MFSD2A: variants seen among roughly 807,000 people sequenced by gnomAD.
The protein encoded by MFSD2A is sodium-dependent lysophosphatidylcholine symporter 1.
A neutral mutation model predicts 64.7 loss-of-function variants in MFSD2A; 27 were observed. The ratio of observed to expected loss-of-function variants is 0.42; its 90% CI spans 0.31 to 0.58. MFSD2A has a LOEUF of 0.58. Ranked by LOEUF, MFSD2A falls within the 20% of genes least tolerant of loss-of-function variation. The pLI is 0.18. For missense variants in MFSD2A, 474 were observed against 679.5 expected, an observed-to-expected ratio of 0.70 and a Z score of 3.36; for synonymous variants, 258 against 273.4, an observed-to-expected ratio of 0.94 and a Z score of 0.55.
intron 3 of MFSD2A, chr1:39,962,875 T>C: frequency 6.4e-7 from 1 of 1,572,388 alleles, no homozygotes; most frequent in Non-Finnish European, 8.6e-7. Context: ...TTGAAGATTA[T>C]GCCAGTGCAG....
chr1:39,964,852 A>G lies in MFSD2A; in HGVS notation c.354-359A>G. ...GCGGTTGATGACTATCCGTGTGAGA[A>G]CACGGGAGTTGGGGCTGCTCCTTCT... On this transcript the variant is annotated intron_variant, in intron 3 of 13. Transcript: ENST00000372811. This position sits in a 1 kb window ranked among gnomAD's most constrained non-coding sequence, Gnocchi z 4.1. The G allele has an allele frequency of 3.3e-6, 1 of 302,354 alleles. No individual in the cohort carries two copies. Among genetic ancestry groups the G allele is most frequent in the Non-Finnish European group, 6.3e-6 (1 of 158,064 alleles). 18.7% of individuals were successfully genotyped at this position (302,354 alleles called of 1,614,324 possible).
Position 39,966,897 on chromosome 1 carries a change from A to C in MFSD2A, c.892A>C (p.Ile298Leu). ...GAGCCACGGCCCATACATCAAACTT[A>C]TTACTGGCTTCCTCTTCACCTCCTT... ...VMSHGPYIKL[I>L]TGFLFTSLAF... Residue 298 changes from isoleucine (I) to leucine (L), a missense_variant, in exon 8 of 14, where the codon ATT (isoleucine) becomes CTT (leucine). By Grantham distance (5) the Ile-to-Leu change is conservative. Transcript: ENST00000372811. The C allele has an allele frequency of 1.9e-6, 3 of 1,613,558 alleles. No homozygotes were observed. In the South Asian group the frequency reaches 3.3e-5, roughly 18 times the overall value.
In MFSD2A at chr1:39,968,904, T is replaced by TA. The variant is rs1645223819; in HGVS notation, c.1529+160dup. 6.6e-6 allele frequency among the ~76,000 whole-genome samples: 1 copy of TA among 152,182 alleles called. No individual in the cohort carries two copies. On this transcript the variant is annotated intron_variant, in intron 13 of 13. Coordinates refer to ENST00000372811, the MANE Select transcript of MFSD2A (RefSeq NM_032793.5). This position sits in a 1 kb window ranked among gnomAD's most constrained non-coding sequence, Gnocchi z 4.4. The stretch of plus-strand genomic sequence containing the variant: ...CACCAGGCACTGTGTTAAGTGGTCT[T>TA]ACCTTTATTCAACAAATACATACTG...
chr1:39,961,007 G>T (rs998101486), intron 3 of MFSD2A, among the ~76,000 whole-genome samples: 5 of 152,150 alleles, frequency 3.3e-5, no homozygotes, highest in Non-Finnish European at 7.3e-5. Flanking sequence ...GGTGAATGGG[G>T]TCTGGCTATG....
rs893194571 is a variant in MFSD2A at position 39,955,451 on chromosome 1, C to A, written c.93+66C>A. ...GGAGGCGGAAATGGGGGATCAGGGG[C>A]GTCCCGGGGTCGGCCTGGTCAGGGG... On this transcript the variant is annotated intron_variant, in intron 1 of 13. Transcript: ENST00000372811. The surrounding 1 kb of genome is among the most constrained non-coding windows in gnomAD (Gnocchi z 5.9). 9 of 1,468,428 alleles carry A rather than the reference C, an allele frequency of 6.1e-6. No homozygotes were observed. Among genetic ancestry groups the A allele is most frequent in the African/African-American group, 1.4e-5 (1 of 70,842 alleles). 91.0% of individuals were successfully genotyped at this position (1,468,428 alleles called of 1,614,324 possible).
rs1222929597 is a variant in MFSD2A, at chr1:39,966,798, C to T, written c.806-13C>T. 1.2e-6 allele frequency: 2 copies of T among 1,614,124 alleles called. No individual in the cohort carries two copies. Among genetic ancestry groups the T allele is most frequent in the Non-Finnish European group, 8.5e-7 (1 of 1,180,018 alleles). ...GTCTCTGCTCCTTCCTCACTGTCCG[C>T]TCTGGCCCCCAGAACCCTATGAAGC... On this transcript the variant is annotated splice_polypyrimidine_tract_variant and intron_variant, in intron 7 of 13. Coordinates refer to ENST00000372811, the MANE Select transcript of MFSD2A (RefSeq NM_032793.5).
At position 39,967,133 on chromosome 1, in the gene MFSD2A, C is replaced by T. The variant is rs760529417; in HGVS notation, c.975C>T (p.Phe325=). 1 of 1,614,044 alleles carries T rather than the reference C, an allele frequency of 6.2e-7. No homozygotes were observed. The highest frequency in any genetic ancestry group is 8.5e-7 in the Non-Finnish European group (1 of 1,180,010). ...FVLFCTYTLG[F]RNEFQNLLLA... is the part of the protein sequence containing the mutation. ...TGTTTTGCACCTACACCTTGGGCTT[C>T]CGCAATGAATTCCAGAATCTACTCC... Residue 325 remains phenylalanine (F), a synonymous_variant, in exon 9 of 14, where the codon TTC becomes TTT. Coordinates refer to ENST00000372811, the MANE Select transcript of MFSD2A (RefSeq NM_032793.5).
chr1:39,958,752 G>A lies in MFSD2A; in HGVS notation c.280G>A (p.Ala94Thr), dbSNP rs777189255. 3.1e-6 allele frequency: 5 copies of A among 1,614,110 alleles called. No homozygotes were observed. Among genetic ancestry groups the A allele is most frequent in the South Asian group, 1.1e-5 (1 of 91,090 alleles). ...CCTGTTTGTGGGCCGAGCCTGGGAT[G>A]CCATCACAGACCCCCTGGTGGGCCT... The part of the protein sequence containing the change: ...IILFVGRAWD[A>T]ITDPLVGLCI... Residue 94 changes from alanine to threonine, a missense_variant, in exon 3 of 14, where the codon GCC (alanine) becomes ACC (threonine). Ala to Thr is a moderately conservative substitution (Grantham distance 58). Coordinates refer to ENST00000372811, the MANE Select transcript of MFSD2A (RefSeq NM_032793.5). This position sits in a 1 kb window ranked among gnomAD's most constrained non-coding sequence, Gnocchi z 4.7.
Position 39,966,811 on chromosome 1 carries a change from A to C in MFSD2A, c.806A>C (p.Glu269Ala). 1 of 1,614,082 alleles carries C rather than the reference A, an allele frequency of 6.2e-7. No homozygotes were observed. The highest frequency in any genetic ancestry group is 8.5e-7 in the Non-Finnish European group (1 of 1,180,002). The change falls in exon 8 of 14, where the codon GAA becomes GCA. Residue 269 changes from glutamate to alanine, a missense_variant and splice_region_variant. Glu to Ala is a moderately radical substitution (Grantham distance 107, BLOSUM62 -1). Coordinates refer to ENST00000372811, the MANE Select transcript of MFSD2A (RefSeq NM_032793.5). ...ILILGVREQR[E>A]PYEAQQSEPI... is the part of the protein sequence containing the mutation. ...CCTCACTGTCCGCTCTGGCCCCCAG[A>C]ACCCTATGAAGCCCAGCAGTCTGAG...
Position 39,968,394 on chromosome 1 carries a change from C to T in MFSD2A, c.1269C>T (p.Thr423=), listed in dbSNP as rs760916510. The T allele has an allele frequency of 3.7e-5, 60 of 1,614,060 alleles. No homozygotes were observed. The Middle Eastern group carries it at 4.9e-4, about 13-fold the overall frequency. Reference sequence around the variant, plus strand: ...TGAAGCAGCCCCACTTCCATGGAACCGAGCCCATCTTCTTCTCCTTCTATG... The same window carrying T: ...TGAAGCAGCCCCACTTCCATGGAACTGAGCCCATCTTCTTCTCCTTCTATG... ...FHLKQPHFHG[T]EPIFFSFYVF... The change falls in exon 12 of 14, where the codon ACC becomes ACT. Residue 423 remains threonine, a synonymous_variant. Transcript: ENST00000372811. This position sits in a 1 kb window ranked among gnomAD's most constrained non-coding sequence, Gnocchi z 4.4.
At chr1:39,961,645 C>T (rs185643894) in intron 3 of MFSD2A, among the ~76,000 whole-genome samples, 1 of 152,134 alleles carries the variant, frequency 6.6e-6, no homozygotes, top group Non-Finnish European at 1.5e-5. Context: ...CTGCACCTGG[C>T]CCTTTTCCTT....
intron 9 of MFSD2A, 131 bp downstream of exon 9, chr1:39,967,300 G>T: frequency 1.2e-6 from 1 of 834,104 alleles, no homozygotes; most frequent in Non-Finnish European, 1.9e-6. Context: ...AGGCTTCTCA[G>T]GGTATTTGGT....
Position 39,965,765 on chromosome 1 carries a change from G to A in MFSD2A, c.557-92G>A. 6.5e-7 allele frequency: 1 copy of A among 1,528,210 alleles called. No homozygotes were observed. The highest frequency in any genetic ancestry group is 9.0e-7 in the Non-Finnish European group (1 of 1,117,312). The allele number at this position is 1,528,210 out of a possible 1,614,324, so 94.7% of individuals were successfully genotyped here. On this transcript the variant is annotated intron_variant, in intron 5 of 13. Coordinates refer to ENST00000372811, the MANE Select transcript of MFSD2A (RefSeq NM_032793.5). This position sits in a 1 kb window ranked among gnomAD's most constrained non-coding sequence, Gnocchi z 5.5. ...CCCACTACCTCTACCCACCCTGCCTGGAGCTACCGCTGGGCTCCCACCCAT... is the reference window on the plus strand; with the variant it reads ...CCCACTACCTCTACCCACCCTGCCTAGAGCTACCGCTGGGCTCCCACCCAT...
Position 39,965,975 on chromosome 1 carries a change from T to A in MFSD2A, c.675T>A (p.Ser225Arg). ...DLNSSTVASQ[S>R]ANHTHGTTSH... ...ATAGCTCTACAGTAGCTTCACAAAG[T>A]GCCAACCATACACATGGCACCACCT... The change falls in exon 6 of 14, where the codon AGT (serine) becomes AGA (arginine). Residue 225 changes from serine to arginine, a missense_variant. Ser to Arg is a moderately radical substitution (Grantham distance 110, BLOSUM62 -1). Coordinates refer to ENST00000372811, the MANE Select transcript of MFSD2A (RefSeq NM_032793.5). The surrounding 1 kb of genome is among the most constrained non-coding windows in gnomAD (Gnocchi z 5.5). 2 of 1,614,098 alleles carry A rather than the reference T, an allele frequency of 1.2e-6. No homozygotes were observed. The highest frequency in any genetic ancestry group is 1.7e-6 in the Non-Finnish European group (2 of 1,180,018).
chr1:39,965,571 G>A lies in MFSD2A; in HGVS notation c.556+22G>A, dbSNP rs139143740. 4 of 1,612,302 alleles carry A rather than the reference G, an allele frequency of 2.5e-6. No homozygotes were observed. In the East Asian group the frequency reaches 6.7e-5, roughly 27 times the overall value. On this transcript the variant is annotated intron_variant, in intron 5 of 13. Transcript: ENST00000372811. This position sits in a 1 kb window ranked among gnomAD's most constrained non-coding sequence, Gnocchi z 5.5. ...TATCGTGAGTCTCCCCAGCCCACCT[G>A]ACCCCACCCTCCAGGGACCCTCCAG...
Position 39,960,980 on chromosome 1 carries a change from C to A in MFSD2A, c.353+2155C>A, listed in dbSNP as rs1645027782. ...TGTGCATATGACCTCCCTGTCCAAA[C>A]TTTTTTTCCTTTTTGTGGTGAATGG... On this transcript the variant is annotated intron_variant, in intron 3 of 13. Coordinates refer to ENST00000372811, the MANE Select transcript of MFSD2A (RefSeq NM_032793.5). The surrounding 1 kb of genome is among the most constrained non-coding windows in gnomAD (Gnocchi z 4.8). 6.6e-6 allele frequency among the ~76,000 whole-genome samples: 1 copy of A among 152,146 alleles called. No homozygotes were observed. The highest frequency in any genetic ancestry group is 2.1e-4 in the South Asian group (1 of 4,836).
rs745587789 is a variant in MFSD2A at position 39,957,155 on chromosome 1, C to G, written c.162C>G (p.Ala54=). 3 of 1,613,700 alleles carry G rather than the reference C, an allele frequency of 1.9e-6. No homozygotes were observed. The highest frequency in any genetic ancestry group is 2.5e-6 in the Non-Finnish European group (3 of 1,179,760). Residue 54 remains alanine (A), a synonymous_variant, in exon 2 of 14, where the codon GCC becomes GCG. Coordinates refer to ENST00000372811, the MANE Select transcript of MFSD2A (RefSeq NM_032793.5). ...CNKLCYALGG[A]PYQVTGCALG... ...AGCTTTGCTATGCACTTGGGGGAGC[C>G]CCCTACCAGGTGACGGGCTGTGCCC...
chr1:39,968,339 T>C lies in MFSD2A; in HGVS notation c.1214T>C (p.Met405Thr). 6.2e-7 allele frequency: 1 copy of C among 1,614,164 alleles called. No individual in the cohort carries two copies. Among genetic ancestry groups the C allele is most frequent in the Non-Finnish European group, 8.5e-7 (1 of 1,179,988 alleles). The change falls in exon 12 of 14, where the codon ATG (methionine) becomes ACG (threonine). Residue 405 changes from methionine (M) to threonine (T), a missense_variant. Met to Thr is a moderately conservative substitution (Grantham distance 81). Transcript: ENST00000372811. This position sits in a 1 kb window ranked among gnomAD's most constrained non-coding sequence, Gnocchi z 4.4. ...VAAAFLLPWS[M>T]LPDVIDDFHL... is the part of the protein sequence containing the mutation. ...GCTGTCACTACTCTGCGCAGGTCCA[T>C]GCTGCCTGATGTCATTGACGACTTC... is the stretch of plus-strand genomic sequence containing the variant.
At chr1:39,969,356 A>G in intron 13 of MFSD2A, 149 bp from the exon 14 acceptor site, 1 of 596,994 alleles carries the variant, frequency 1.7e-6, no homozygotes, top group Non-Finnish European at 3.0e-6. Context: ...ACCAACCAAC[A>G]GTTGAAAGTG....
Sources: allele counts gnomAD v4.1 joint callset (sites outside exome capture counted in the v4.1 genomes callset), GRCh38; gene constraint gnomAD v4.1.1; non-coding constraint Gnocchi (gnomAD v3.1); transcripts MANE v1.5; gene names NCBI Gene and HGNC (gene_info 2026-07-23, HGNC 2026-07-21).